PASD1: variants seen among roughly 807,000 people sequenced by gnomAD.
The protein encoded by PASD1 is PAS domain containing repressor 1.
In PASD1, 13 loss-of-function variants were observed where a neutral mutation model predicts 58.8. That is an observed-to-expected ratio of 0.22 (90% CI 0.14 to 0.35). The LOEUF (loss-of-function observed/expected upper bound fraction) is 0.35, where lower values mean the gene tolerates loss of function less well. PASD1 is among the 10% of genes least tolerant of loss of function. The probability of loss-of-function intolerance (pLI) is 1.00; values close to 1 mark genes in which losing one functional copy is unlikely to be tolerated. For missense variants in PASD1, 734 were observed against 568.3 expected (o/e 1.29, Z -2.96); for synonymous variants, 236 against 216.7 (o/e 1.09, Z -0.78).
intron 1 of PASD1, among the ~76,000 whole-genome samples, chrX:151,595,039 A>G (rs2013301112): frequency 8.9e-6 from 1 of 111,844 alleles, no homozygotes; most frequent in Non-Finnish European, 1.9e-5. Flanking sequence ...TATTAAATGT[A>G]TCTTTTATTT....
At chrX:151,619,031 A>G (rs191992232) in intron 4 of PASD1, among the ~76,000 whole-genome samples, 1 of 111,690 alleles carries the variant, frequency 9.0e-6, no homozygotes, top group East Asian at 2.8e-4. Context: ...TGGCTGTTCT[A>G]TAGAGAATGG....
intron 1 of PASD1, among the ~76,000 whole-genome samples, chrX:151,565,462 C>T (rs765260516): frequency 1.1e-4 from 12 of 111,135 alleles, no homozygotes; most frequent in Non-Finnish European, 5.7e-5. Flanking sequence ...ACCTTTCTTC[C>T]ATCAGCAAAG....
At chrX:151,648,487 A>G in intron 8 of PASD1, 128 bp from the exon 9 acceptor site, 1 of 617,163 alleles carries the variant, frequency 1.6e-6, no homozygotes, top group Non-Finnish European at 2.6e-6. Flanking sequence ...TCAAAGATTA[A>G]TGATGTTCTG....
At chrX:151,580,388 C>G (rs762076317) in intron 1 of PASD1, among the ~76,000 whole-genome samples, 1 of 111,441 alleles carries the variant, frequency 9.0e-6, no homozygotes, top group African/African-American at 3.3e-5. Flanking sequence ...GTTCCACAAA[C>G]GAGTCTCTAC....
chrX:151,620,899 C>T (rs1428560187), intron 4 of PASD1, 31 bp from the exon 5 acceptor site: 2 of 1,096,192 alleles, frequency 1.8e-6, no homozygotes, highest in Non-Finnish European at 2.5e-6. Context: ...CCTCCTTTTT[C>T]CCTCCACCTC....
intron 7 of PASD1, 35 bp downstream of exon 7, chrX:151,623,099 G>T (rs1462526351): frequency 8.4e-7 from 1 of 1,196,586 alleles, no homozygotes; most frequent in African/African-American, 1.7e-5. Flanking sequence ...CCCCGCTGTG[G>T]CGATGTGGGC....
intron 1 of PASD1, among the ~76,000 whole-genome samples, chrX:151,586,523 G>A (rs781033539): frequency 9.0e-6 from 1 of 111,475 alleles, no homozygotes; most frequent in Non-Finnish European, 1.9e-5. Flanking sequence ...AGCACCTATC[G>A]AACAGGGCTG....
chrX:151,565,590 C>T (rs1395522646), intron 1 of PASD1, among the ~76,000 whole-genome samples: 1 of 95,217 alleles, frequency 1.1e-5, no homozygotes, highest in East Asian at 3.2e-4. Flanking sequence ...GACGGAGTCT[C>T]GCTCTCAACC....
At chrX:151,576,834 G>A (rs887857873) in intron 1 of PASD1, among the ~76,000 whole-genome samples, 1 of 111,837 alleles carries the variant, frequency 8.9e-6, no homozygotes, top group African/African-American at 3.2e-5. Flanking sequence ...TATATTTATT[G>A]CCATAAATGT....
intron 8 of PASD1, among the ~76,000 whole-genome samples, chrX:151,630,484 G>A (rs1440519819): frequency 8.9e-6 from 1 of 112,480 alleles, no homozygotes; most frequent in East Asian, 2.8e-4. Flanking sequence ...GAAAAAAAGT[G>A]CAAACCAGTA....
chrX:151,663,404 A>T (rs1276028272), intron 10 of PASD1, among the ~76,000 whole-genome samples: 1 of 112,412 alleles, frequency 8.9e-6, no homozygotes, highest in African/African-American at 3.2e-5. Context: ...ATTGCTGAGT[A>T]ATACTGCATC....
In PASD1 at chrX:151,672,475, T is replaced by C; in HGVS notation, c.1730T>C (p.Ile577Thr). ...LQEQPLKHNVIVGNERVQICL... is the reference protein window; with the variant it reads ...LQEQPLKHNVTVGNERVQICL... ...GAGCAGCCACTGAAGCATAATGTCATCGTGGGGAATGAGAGGGTGCAGATA... is the reference window on the plus strand; with the variant it reads ...GAGCAGCCACTGAAGCATAATGTCACCGTGGGGAATGAGAGGGTGCAGATA... Residue 577 changes from isoleucine (I) to threonine (T), a missense_variant, in exon 14 of 16, where the codon ATC becomes ACC. Physicochemically the swap from Ile to Thr is moderately conservative, Grantham distance 89 (BLOSUM62 -1). Coordinates refer to ENST00000370357, the MANE Select transcript of PASD1 (RefSeq NM_173493.3). The C allele has an allele frequency of 1.7e-6, 2 of 1,211,639 alleles. No individual in the cohort carries two copies. Among genetic ancestry groups the C allele is most frequent in the Non-Finnish European group, 2.2e-6 (2 of 895,535 alleles).
At chrX:151,642,596 A>G (rs1391629961) in intron 8 of PASD1, among the ~76,000 whole-genome samples, 1 of 112,245 alleles carries the variant, frequency 8.9e-6, no homozygotes, top group Non-Finnish European at 1.9e-5. Flanking sequence ...CTTTTAAAGA[A>G]TGCATTTTCT....
chrX:151,583,633 A>G (rs937417293), intron 1 of PASD1, among the ~76,000 whole-genome samples: 3 of 112,294 alleles, frequency 2.7e-5, no homozygotes, highest in Non-Finnish European at 5.6e-5. Flanking sequence ...GACTGTTTTA[A>G]TCTTGATGAA....
Position 151,664,343 on chromosome X carries a change from G to A in PASD1, c.1066G>A (p.Ala356Thr). Residue 356 changes from alanine (A) to threonine (T), a missense_variant, in exon 11 of 16, where the codon GCT (alanine) becomes ACT (threonine). Ala to Thr is a moderately conservative substitution (Grantham distance 58, BLOSUM62 0). Transcript: ENST00000370357. ...SVDLGAAGAS[A>T]QPLQPSSPVA... ...GGACCTGGGGGCTGCTGGCGCAAGT[G>A]CTCAGGTACTCTGAAAGTCTCGCTT... 1 of 1,211,798 alleles carries A rather than the reference G, an allele frequency of 8.3e-7. No individual in the cohort carries two copies. The highest frequency in any genetic ancestry group is 1.1e-6 in the Non-Finnish European group (1 of 895,407).
intron 8 of PASD1, among the ~76,000 whole-genome samples, chrX:151,644,679 A>G (rs1011009414): frequency 9.0e-6 from 1 of 111,598 alleles, no homozygotes; most frequent in African/African-American, 3.3e-5. Flanking sequence ...GGGCATTTGA[A>G]CTGACCACAC....
intron 3 of PASD1, among the ~76,000 whole-genome samples, chrX:151,608,113 CA>C (rs2013510176): frequency 1.8e-5 from 2 of 111,467 alleles, no homozygotes; most frequent in South Asian, 7.7e-4. Context: ...ATGAAAATGA[CA>C]ATGCTTTTCA....
At chrX:151,590,739 C>G (rs2013235227) in intron 1 of PASD1, among the ~76,000 whole-genome samples, 1 of 110,380 alleles carries the variant, frequency 9.1e-6, no homozygotes, top group Non-Finnish European at 1.9e-5. Context: ...CGCCATCATG[C>G]CCAGCTTATT....
chrX:151,646,996 G>C lies in PASD1; in HGVS notation c.630-1619G>C, dbSNP rs5924655. On this transcript the variant is annotated intron_variant, in intron 8 of 15. Coordinates refer to ENST00000370357, the MANE Select transcript of PASD1 (RefSeq NM_173493.3). ...AGAGGGAAGAGTCTAGGATGACTTGGAGATTTCAGTCTTGAGTGACTGGGT... is the reference window on the plus strand; with the variant it reads ...AGAGGGAAGAGTCTAGGATGACTTGCAGATTTCAGTCTTGAGTGACTGGGT... Among the ~76,000 whole-genome samples, 11 of 110,837 alleles carry C rather than the reference G, an allele frequency of 9.9e-5. No homozygotes were observed. In the Admixed American group the frequency reaches 1.1e-3, roughly 11 times the overall value.
Sources: allele counts gnomAD v4.1 joint callset (sites outside exome capture counted in the v4.1 genomes callset), GRCh38; gene constraint gnomAD v4.1.1; transcripts MANE v1.5; gene names NCBI Gene and HGNC (gene_info 2026-07-23, HGNC 2026-07-21).